Variants in ZNF385D observed in about 807,000 individuals in gnomAD.
ZNF385D encodes the protein zinc finger protein 385D.
Under a neutral mutation model 35.8 loss-of-function variants are expected in ZNF385D, and 15 were observed. The ratio of observed to expected loss-of-function variants is 0.42; its 90% CI spans 0.28 to 0.64. The LOEUF (loss-of-function observed/expected upper bound fraction) is 0.64. Ranked by LOEUF, ZNF385D falls within the 30% of genes least tolerant of loss-of-function variation. The probability of loss-of-function intolerance (pLI) is 0.23; values close to 1 mark genes in which losing one functional copy is unlikely to be tolerated. For missense variants in ZNF385D, 474 were observed against 494.6 expected (o/e 0.96, Z 0.39); for synonymous variants, 212 against 186.8 (o/e 1.13, Z -1.10).
At chr3:21,511,645 C>T (rs986914182) in intron 3 of ZNF385D, 2 of 455,184 alleles carry the variant, frequency 4.4e-6, no homozygotes, top group African/African-American at 4.0e-5. Context: ...AGAAGTTCAA[C>T]TTAGTGTCAT....
At chr3:21,533,008 G>A (rs1382654017) in intron 3 of ZNF385D, among the ~76,000 whole-genome samples, 1 of 152,154 alleles carries the variant, frequency 6.6e-6, no homozygotes, top group Non-Finnish European at 1.5e-5. Context: ...TTCAAACCCT[G>A]GGTGTGTATT....
At chr3:22,012,536 A>G (rs1696641814) in intron 3 of ZNF385D, among the ~76,000 whole-genome samples, 1 of 152,158 alleles carries the variant, frequency 6.6e-6, no homozygotes, top group Non-Finnish European at 1.5e-5. Flanking sequence ...AGATGAATAA[A>G]TATTACCCCT....
intron 3 of ZNF385D, among the ~76,000 whole-genome samples, chr3:22,148,064 T>C (rs1576402670): frequency 6.6e-6 from 1 of 152,210 alleles, no homozygotes; most frequent in African/African-American, 2.4e-5. Flanking sequence ...TTATTTTTAG[T>C]ATTTTATCCC....
rs193058736 is a variant in ZNF385D, at chr3:21,799,947, T to A, written c.326-134919A>T. 2.5e-3 allele frequency among the ~76,000 whole-genome samples: 384 copies of A among 152,322 alleles called. 1 individual carries two copies. Among genetic ancestry groups the A allele is most frequent in the Non-Finnish European group, 4.2e-3 (283 of 68,024 alleles). ...TTTTGAATAATGTGTGAGATAGGAA[T>A]CCAATTCATTTTTTCGCATGTAGAT... On this transcript the variant is annotated intron_variant, in intron 3 of 5. Transcript: ENST00000494108.
intron 2 of ZNF385D, among the ~76,000 whole-genome samples, chr3:22,284,169 C>T (rs1177124381): frequency 6.8e-6 from 1 of 146,204 alleles, no homozygotes; most frequent in South Asian, 2.2e-4. Flanking sequence ...TATCAATAAA[C>T]ACAGGATTTT....
intron 3 of ZNF385D, among the ~76,000 whole-genome samples, chr3:22,029,453 C>T (rs542976978): frequency 9.9e-5 from 15 of 152,256 alleles, no homozygotes; most frequent in Admixed American, 2.0e-4. Flanking sequence ...AAAAAACCCG[C>T]GACCTGCTGA....
chr3:21,649,586 C>CCCA (rs777956616), intron 2 of ZNF385D, among the ~76,000 whole-genome samples: 23 of 152,124 alleles, frequency 1.5e-4, no homozygotes, highest in African/African-American at 5.1e-4. Flanking sequence ...ACTCTTCAGA[C>CCCA]CCAGAAGATA....
chr3:22,324,009 G>A (rs1270094432), intron 2 of ZNF385D, among the ~76,000 whole-genome samples: 2 of 151,926 alleles, frequency 1.3e-5, no homozygotes, highest in Non-Finnish European at 2.9e-5. Context: ...ACCTAATTAA[G>A]TGTTTTAACA....
At chr3:22,168,313 A>T (rs540980220) in intron 3 of ZNF385D, among the ~76,000 whole-genome samples, 1 of 152,196 alleles carries the variant, frequency 6.6e-6, no homozygotes, top group Non-Finnish European at 1.5e-5. Flanking sequence ...AAAGTAGTCT[A>T]AAGTTATTAA....
chr3:22,094,131 T>A (rs1299148641), intron 3 of ZNF385D, among the ~76,000 whole-genome samples: 1 of 152,028 alleles, frequency 6.6e-6, no homozygotes, highest in Non-Finnish European at 1.5e-5. Context: ...TACGTGTCAT[T>A]GCTTTAATGT....
intron 3 of ZNF385D, among the ~76,000 whole-genome samples, chr3:21,966,387 G>T (rs181605555): frequency 6.6e-6 from 1 of 152,314 alleles, no homozygotes; most frequent in Non-Finnish European, 1.5e-5. Flanking sequence ...ATACCTGAAA[G>T]AGAAACTTTA....
chr3:22,339,410 T>C (rs1445407697), intron 2 of ZNF385D, among the ~76,000 whole-genome samples: 2 of 152,210 alleles, frequency 1.3e-5, no homozygotes, highest in Admixed American at 1.3e-4. Context: ...ATGTGCCATA[T>C]ACTATGCTAG....
chr3:22,199,804 T>C (rs1002750079), intron 2 of ZNF385D, among the ~76,000 whole-genome samples: 3 of 152,102 alleles, frequency 2.0e-5, no homozygotes, highest in African/African-American at 4.8e-5. Context: ...CAACAAAATA[T>C]ATGCATATAT....
chr3:22,142,964 G>T (rs949980821), intron 3 of ZNF385D, among the ~76,000 whole-genome samples: 5 of 151,718 alleles, frequency 3.3e-5, no homozygotes, highest in South Asian at 2.1e-4. Flanking sequence ...TTCACTGCCC[G>T]TAAGTTTGAA....
chr3:21,537,645 C>G (rs1444030676), intron 3 of ZNF385D, among the ~76,000 whole-genome samples: 20 of 151,956 alleles, frequency 1.3e-4, no homozygotes. Context: ...AATTTCACAC[C>G]CAAGATCAGT....
At chr3:22,209,402 A>G (rs1269463964) in intron 2 of ZNF385D, among the ~76,000 whole-genome samples, 1 of 151,880 alleles carries the variant, frequency 6.6e-6, no homozygotes, top group Admixed American at 6.6e-5. Context: ...TAACACTTTG[A>G]AGGCATTCAC....
intron 3 of ZNF385D, among the ~76,000 whole-genome samples, chr3:22,060,097 G>C (rs1180906858): frequency 1.3e-5 from 2 of 152,112 alleles, no homozygotes; most frequent in African/African-American, 4.8e-5. Context: ...CCAGTTCTCA[G>C]AACTTTGACC....
chr3:21,958,100 A>C (rs1377399525), intron 3 of ZNF385D, among the ~76,000 whole-genome samples: 1 of 152,120 alleles, frequency 6.6e-6, no homozygotes, highest in Non-Finnish European at 1.5e-5. Flanking sequence ...CATGCAGACT[A>C]ATCTTTATCC....
chr3:21,715,858 T>C (rs112851121), intron 1 of ZNF385D, among the ~76,000 whole-genome samples: 203 of 152,294 alleles, frequency 1.3e-3, no homozygotes, highest in Middle Eastern at 0.01. Context: ...ATATATCTAA[T>C]TGCCTACTCA....
Sources: gnomAD v4.1 joint callset for allele counts (sites outside exome capture counted in the v4.1 genomes callset) on GRCh38, gnomAD v4.1.1 for gene constraint, MANE v1.5 for transcripts, NCBI Gene and HGNC (gene_info 2026-07-23, HGNC 2026-07-21) for gene names.